KRT12: variants seen among roughly 807,000 people sequenced by gnomAD.
KRT12 encodes the protein keratin, type I cytoskeletal 12.
In KRT12, 43 loss-of-function variants were observed where a neutral mutation model predicts 50.2. The observed-to-expected ratio is 0.86, with a 90% confidence interval of 0.67 to 1.11. The LOEUF (loss-of-function observed/expected upper bound fraction) is 1.11, where lower values mean the gene tolerates loss of function less well. KRT12 is among the 50% of genes least tolerant of loss of function. The pLI, the probability that KRT12 is intolerant of heterozygous loss-of-function variation, is 0.00. For missense variants in KRT12, 588 were observed against 625.6 expected, an observed-to-expected ratio of 0.94 and a Z score of 0.64; for synonymous variants, 257 against 253.6, an observed-to-expected ratio of 1.01 and a Z score of -0.13.
Position 40,863,110 on chromosome 17 carries a change from G to T in KRT12, c.1316+13C>A. The T allele has an allele frequency of 6.2e-7, 1 of 1,612,656 alleles. No individual in the cohort carries two copies. The highest frequency in any genetic ancestry group is 8.5e-7 in the Non-Finnish European group (1 of 1,178,690). ...GCCCCTGAAGGTGTTTACAGCCTCC[G>T]TTGTCTGCTCACCCTTGGGCCTCCC... On this transcript the variant is annotated intron_variant, in intron 6 of 7. Coordinates refer to ENST00000251643, the MANE Select transcript of KRT12 (RefSeq NM_000223.4). The surrounding 1 kb of genome is among the most constrained non-coding windows in gnomAD (Gnocchi z 4.2).
intron 2 of KRT12, 43 bp from the exon 3 acceptor site, chr17:40,865,005 A>G (rs201760882): frequency 1.2e-6 from 2 of 1,607,212 alleles, no homozygotes; most frequent in Middle Eastern, 3.3e-4. Context: ...CAACACAACC[A>G]TTTGAACAAG....
intron 3 of KRT12, among the ~76,000 whole-genome samples, chr17:40,864,262 C>A (rs1033993247): frequency 6.6e-6 from 1 of 152,006 alleles, no homozygotes; most frequent in Non-Finnish European, 1.5e-5. Context: ...GCTGCCAAAC[C>A]GAGGGCTGCA....
chr17:40,861,596 A>T lies in KRT12; in HGVS notation c.*65T>A, dbSNP rs553569246. 395 of 1,002,386 alleles carry T rather than the reference A, an allele frequency of 3.9e-4. 1 individual carries two copies. Among genetic ancestry groups the T allele is most frequent in the Non-Finnish European group, 5.5e-4 (342 of 622,562 alleles). The allele number at this position is 1,002,386 out of a possible 1,614,324, so 62.1% of individuals were successfully genotyped here. ...TAATACAGCATGTTACTCTGAAAGG[A>T]ATAATTTCTACTTGTAAATTTCTTG... On this transcript the variant is annotated 3_prime_UTR_variant, in exon 8 of 8. Transcript: ENST00000251643.
At chr17:40,866,493 T>C in intron 1 of KRT12, 127 bp downstream of exon 1, 3 of 838,406 alleles carry the variant, frequency 3.6e-6, no homozygotes, top group Non-Finnish European at 5.8e-6. Context: ...CAACCTGGGA[T>C]GAGAAAATTG....
chr17:40,862,132 G>A (rs1906825656), intron 7 of KRT12, among the ~76,000 whole-genome samples: 1 of 152,022 alleles, frequency 6.6e-6, no homozygotes, highest in African/African-American at 2.4e-5. Flanking sequence ...GCAGTGGCAT[G>A]ATCATAGCTC....
Position 40,862,588 on chromosome 17 carries a change from G to A in KRT12, c.1364C>T (p.Ala455Val), listed in dbSNP as rs1158173061. The part of the protein sequence containing the change: ...SLFVTDSKSQ[A>V]QSTDSSKDPT... ...ACCTTTAGAGGAATCAGTTGACTGT[G>A]CTTGTGATTTGGAGTCTGTCACAAA... is the stretch of plus-strand genomic sequence containing the variant. The change falls in exon 7 of 8, where the codon GCA (alanine) becomes GTA (valine). Residue 455 changes from alanine (A) to valine (V), a missense_variant. Transcript: ENST00000251643. 6.2e-7 allele frequency: 1 copy of A among 1,612,980 alleles called. No individual in the cohort carries two copies. Among genetic ancestry groups the A allele is most frequent in the Middle Eastern group, 1.7e-4 (1 of 6,058 alleles).
intron 6 of KRT12, among the ~76,000 whole-genome samples, chr17:40,862,922 G>C (rs1597841138): frequency 6.6e-6 from 1 of 152,312 alleles, no homozygotes; most frequent in African/African-American, 2.4e-5. Flanking sequence ...GTTCTTTGCA[G>C]CATTTTATGA....
chr17:40,862,419 T>A, intron 7 of KRT12, 146 bp downstream of exon 7: 1 of 665,302 alleles, frequency 1.5e-6, no homozygotes, highest in South Asian at 1.6e-5. Flanking sequence ...TGTGCAGGAA[T>A]GCATAAATGT....
In KRT12 at chr17:40,867,099, G is replaced by A. The variant is rs1907060179; in HGVS notation, c.88C>T (p.Pro30Ser). The change falls in exon 1 of 8, where the codon CCC becomes TCC. Residue 30 changes from proline (P) to serine (S), a missense_variant. Transcript: ENST00000251643. ...RLSSQSVIGR[P>S]RGMSASSVGS... ...ACACTGGAAGCAGACATGCCCCTGGGTCTGCCTATCACACTCTGCGAGGAG... is the reference window on the plus strand; with the variant it reads ...ACACTGGAAGCAGACATGCCCCTGGATCTGCCTATCACACTCTGCGAGGAG... 2.5e-6 allele frequency: 4 copies of A among 1,613,964 alleles called. No homozygotes were observed. The highest frequency in any genetic ancestry group is 1.7e-5 in the Admixed American group (1 of 60,024).
At chr17:40,862,301 G>A (rs1372426166) in intron 7 of KRT12, among the ~76,000 whole-genome samples, 1 of 151,966 alleles carries the variant, frequency 6.6e-6, no homozygotes, top group Admixed American at 6.6e-5. Context: ...ACGAACTCCT[G>A]GCCTCAAGCG....
intron 3 of KRT12, 22 bp downstream of exon 3, chr17:40,864,784 G>A (rs777201242): frequency 6.2e-7 from 1 of 1,612,448 alleles, no homozygotes; most frequent in Non-Finnish European, 8.5e-7. Context: ...GTAGCTGAGT[G>A]AGGCTGCCCT....
At position 40,867,154 on chromosome 17, in the gene KRT12, T is replaced by C; in HGVS notation, c.33A>G (p.Ser11=). 1.9e-6 allele frequency: 3 copies of C among 1,609,350 alleles called. No homozygotes were observed. The highest frequency in any genetic ancestry group is 2.5e-6 in the Non-Finnish European group (3 of 1,179,970). Residue 11 remains serine, a synonymous_variant, in exon 1 of 8, where the codon TCA becomes TCG. Coordinates refer to ENST00000251643, the MANE Select transcript of KRT12 (RefSeq NM_000223.4). Reference sequence around the variant, plus strand: ...GCCGGGACAGTCCGGGGGTGCGCACTGAGAGTGACATGGTGTTGTTGGAGA... The same window carrying C: ...GCCGGGACAGTCCGGGGGTGCGCACCGAGAGTGACATGGTGTTGTTGGAGA... The part of the protein sequence containing the change: MDLSNNTMSL[S]VRTPGLSRRL...
intron 3 of KRT12, among the ~76,000 whole-genome samples, chr17:40,864,094 C>G (rs1906919745): frequency 6.6e-6 from 1 of 152,022 alleles, no homozygotes; most frequent in Non-Finnish European, 1.5e-5. Context: ...TCTGATATTA[C>G]AAGAACTTAA....
In KRT12 at chr17:40,866,845, C is replaced by T. The variant is rs938238185; in HGVS notation, c.342G>A (p.Ser114=). 3.7e-6 allele frequency: 6 copies of T among 1,614,106 alleles called. No homozygotes were observed. Among genetic ancestry groups the T allele is most frequent in the Middle Eastern group, 1.6e-4 (1 of 6,062 alleles). Residue 114 remains serine, a synonymous_variant, in exon 1 of 8, where the codon TCG becomes TCA. Coordinates refer to ENST00000251643, the MANE Select transcript of KRT12 (RefSeq NM_000223.4). The part of the protein sequence containing the change: ...SPGGGSLGIL[S]GNDGGLLSGS... The stretch of plus-strand genomic sequence containing the variant: ...CAGAAAGAAGGCCTCCATCATTGCC[C>T]GAGAGAATACCTAGAGAGCCACCTC...
chr17:40,866,683 A>C lies in KRT12; in HGVS notation c.504T>G (p.Thr168=), dbSNP rs770331289. The C allele has an allele frequency of 1.2e-5, 19 of 1,614,108 alleles. No homozygotes were observed. In the East Asian group the frequency reaches 3.8e-4, roughly 32 times the overall value. ...REWYETRGTG[T]ADASQSDYSK... ...TGTAATCGCTCTGTGAAGCATCTGC[A>C]GTCCCAGTTCCTCGTGTTTCATACC... The change falls in exon 1 of 8, where the codon ACT becomes ACG. Residue 168 remains threonine, a synonymous_variant. Transcript: ENST00000251643.
At chr17:40,864,584 G>T (rs532889952) in intron 3 of KRT12, among the ~76,000 whole-genome samples, 2 of 151,984 alleles carry the variant, frequency 1.3e-5, no homozygotes, top group South Asian at 4.2e-4. Flanking sequence ...CAAATTTGTT[G>T]AGCCTTAGCA....
Position 40,863,049 on chromosome 17 carries a change from C to A in KRT12, c.1316+74G>T. 7.8e-7 allele frequency: 1 copy of A among 1,275,966 alleles called. No individual in the cohort carries two copies. The highest frequency in any genetic ancestry group is 1.1e-6 in the Non-Finnish European group (1 of 876,178). 79.0% of individuals were successfully genotyped at this position (1,275,966 alleles called of 1,614,324 possible). On this transcript the variant is annotated intron_variant, in intron 6 of 7. Coordinates refer to ENST00000251643, the MANE Select transcript of KRT12 (RefSeq NM_000223.4). The surrounding 1 kb of genome is among the most constrained non-coding windows in gnomAD (Gnocchi z 4.2). ...TGTTTGCTTTTCTGTCAACTAAAAC[C>A]CCATTCCTTCTATTTCTGCTGCCCA...
At position 40,863,319 on chromosome 17, in the gene KRT12, C is replaced by T; in HGVS notation, c.1120G>A (p.Ala374Thr). 6.2e-7 allele frequency: 1 copy of T among 1,613,896 alleles called. No homozygotes were observed. Among genetic ancestry groups the T allele is most frequent in the South Asian group, 1.1e-5 (1 of 91,042 alleles). The change falls in exon 6 of 8, where the codon GCC becomes ACC. Residue 374 changes from alanine (A) to threonine (T), a missense_variant. Ala to Thr is a moderately conservative substitution (Grantham distance 58). Coordinates refer to ENST00000251643, the MANE Select transcript of KRT12 (RefSeq NM_000223.4). This position sits in a 1 kb window ranked among gnomAD's most constrained non-coding sequence, Gnocchi z 4.2. The stretch of plus-strand genomic sequence containing the variant: ...GCGCAGTAATCGCCCTCGGCTTCGG[C>T]CAAGGAGTCCTCCAGGGATTTCTTC... ...AMKKSLEDSL[A>T]EAEGDYCAQL...
At chr17:40,862,965 T>C in intron 6 of KRT12, 158 bp downstream of exon 6, 1 of 708,784 alleles carries the variant, frequency 1.4e-6, no homozygotes, top group Non-Finnish European at 2.4e-6. Flanking sequence ...GAAAACACTT[T>C]GCAAAGTGTA....
Sources: gnomAD v4.1 joint callset for allele counts (sites outside exome capture counted in the v4.1 genomes callset) on GRCh38, gnomAD v4.1.1 for gene constraint, Gnocchi (gnomAD v3.1) non-coding constraint, MANE v1.5 for transcripts, NCBI Gene and HGNC (gene_info 2026-07-23, HGNC 2026-07-21) for gene names.